MEGF6: variants seen among roughly 807,000 people sequenced by gnomAD.
The protein encoded by MEGF6 is multiple EGF like domains 6, also known as multiple epidermal growth factor-like domains protein 6.
In MEGF6, 184 loss-of-function variants were observed where a neutral mutation model predicts 207.1. The ratio of observed to expected loss-of-function variants is 0.89; its 90% CI spans 0.79 to 1.00. The LOEUF is 1.00. MEGF6 is among the 50% of genes least tolerant of loss of function. The pLI, the probability that MEGF6 is intolerant of heterozygous loss-of-function variation, is 0.00. For synonymous variants in MEGF6, 1,038 were observed against 910.0 expected (o/e 1.14, Z -2.53); for missense variants, 2,282 against 2,202.9 (o/e 1.04, Z -0.72).
chr1:3,598,553 G>A (rs1439375301), intron 2 of MEGF6, among the ~76,000 whole-genome samples: 1 of 152,184 alleles, frequency 6.6e-6, no homozygotes, highest in Non-Finnish European at 1.5e-5. Context: ...GCTTCCCTGG[G>A]CCGCTGACCA....
intron 2 of MEGF6, 21 bp from the exon 3 acceptor site, chr1:3,595,468 G>A (rs1214330109): frequency 1.3e-6 from 2 of 1,596,012 alleles, no homozygotes; most frequent in Non-Finnish European, 1.7e-6. Context: ...AGAGAGAAGG[G>A]AAGTGCTTAC....
At chr1:3,531,117 C>T (rs1198385847) in intron 4 of MEGF6, 1 of 1,528,662 alleles carries the variant, frequency 6.5e-7, no homozygotes, top group Admixed American at 2.0e-5. Flanking sequence ...GGTAGCCGGC[C>T]TGGCCCAGGT....
chr1:3,604,930 C>A (rs570965251), intron 1 of MEGF6, among the ~76,000 whole-genome samples: 1 of 152,074 alleles, frequency 6.6e-6, no homozygotes. Context: ...TCCTGACCCC[C>A]AGACTACAGC....
intron 2 of MEGF6, among the ~76,000 whole-genome samples, 162 bp from the exon 3 acceptor site, chr1:3,595,609 C>A (rs1274317076): frequency 6.6e-6 from 1 of 152,172 alleles, no homozygotes; most frequent in African/African-American, 2.4e-5. Context: ...CAATGCCCAG[C>A]CAGGTTCTTC....
At chr1:3,602,205 C>A (rs1437636895) in intron 2 of MEGF6, among the ~76,000 whole-genome samples, 1 of 152,236 alleles carries the variant, frequency 6.6e-6, no homozygotes, top group African/African-American at 2.4e-5. Context: ...CCGGGCTGGG[C>A]CCCTCCTCCT....
chr1:3,505,738 C>T (rs1010997535), intron 15 of MEGF6, among the ~76,000 whole-genome samples, 182 bp from the exon 16 acceptor site: 1 of 152,216 alleles, frequency 6.6e-6, no homozygotes, highest in Non-Finnish European at 1.5e-5. Flanking sequence ...GGATGGGTGA[C>T]CCCACCAGGG....
chr1:3,566,980 C>T (rs939091138), intron 4 of MEGF6, among the ~76,000 whole-genome samples: 23 of 152,330 alleles, frequency 1.5e-4, no homozygotes, highest in Middle Eastern at 6.8e-3. Context: ...TTTCCCAGGG[C>T]GGAAACTGAG....
rs756759086 is a variant in MEGF6 at position 3,512,064 on chromosome 1, G to A, written c.918C>T (p.Ser306=). ...AGCCCGCGTGACACACGCACTTGAAGGACCCCTGGGTGTTGAGGCAGCCAT... is the reference window on the plus strand; with the variant it reads ...AGCCCGCGTGACACACGCACTTGAAAGACCCCTGGGTGTTGAGGCAGCCAT... ...CAHGCLNTQG[S]FKCVCHAGYE... The change falls in exon 8 of 37, where the codon TCC becomes TCT. Residue 306 remains serine, a synonymous_variant. Transcript: ENST00000356575. 6.2e-7 allele frequency: 1 copy of A among 1,612,766 alleles called. No individual in the cohort carries two copies. Among genetic ancestry groups the A allele is most frequent in the South Asian group, 1.1e-5 (1 of 91,066 alleles).
In MEGF6 at chr1:3,509,131, C is replaced by T; in HGVS notation, c.1472G>A (p.Gly491Glu). The T allele has an allele frequency of 6.2e-7, 1 of 1,600,544 alleles. No homozygotes were observed. Among genetic ancestry groups the T allele is most frequent in the Non-Finnish European group, 8.5e-7 (1 of 1,174,370 alleles). Residue 491 changes from glycine to glutamate, a missense_variant, in exon 12 of 37, where the codon GGG (glycine) becomes GAG (glutamate). Coordinates refer to ENST00000356575, the MANE Select transcript of MEGF6 (RefSeq NM_001409.4). ...LPQLFQDDDV[G>E]ADEEEAELRG... ...CAACTCTGCCTCTTCCTCATCGGCC[C>T]CGACGTCGTCATCCTGGAAGAGTTG...
In MEGF6 at chr1:3,494,407, A is replaced by G. The variant is rs1347038926; in HGVS notation, c.4093T>C (p.Cys1365Arg). ...GCCTGGCCATAGAAGCCGGGGCCGCAGCGGCAGGTGCCCGTGGCAGGCTCA... is the reference window on the plus strand; with the variant it reads ...GCCTGGCCATAGAAGCCGGGGCCGCGGCGGCAGGTGCCCGTGGCAGGCTCA... The part of the protein sequence containing the change: ...TCEPATGTCR[C>R]GPGFYGQACE... The change falls in exon 32 of 37, where the codon TGC (cysteine) becomes CGC (arginine). Residue 1365 changes from cysteine to arginine, a missense_variant. Coordinates refer to ENST00000356575, the MANE Select transcript of MEGF6 (RefSeq NM_001409.4). The G allele has an allele frequency of 1.3e-6, 2 of 1,548,228 alleles. No individual in the cohort carries two copies. Among genetic ancestry groups the G allele is most frequent in the Admixed American group, 3.9e-5 (2 of 51,070 alleles).
At chr1:3,520,614 C>A (rs1185874190) in intron 5 of MEGF6, among the ~76,000 whole-genome samples, 1 of 151,448 alleles carries the variant, frequency 6.6e-6, no homozygotes, top group Non-Finnish European at 1.5e-5. Context: ...CACCAGGACT[C>A]GGCGGCCAGG....
intron 4 of MEGF6, among the ~76,000 whole-genome samples, chr1:3,528,641 G>A (rs565005409): frequency 2.6e-5 from 4 of 152,242 alleles, no homozygotes; most frequent in East Asian, 1.9e-4. Flanking sequence ...CAGAGGGCGG[G>A]GAGGAGGAGA....
chr1:3,531,187 C>T (rs540594791), intron 4 of MEGF6: 1 of 1,520,412 alleles, frequency 6.6e-7, no homozygotes, highest in East Asian at 2.7e-5. Flanking sequence ...GCGCGCCAGG[C>T]CCCCCAGGAG....
At chr1:3,534,065 C>CCGCTG (rs1642254206) in intron 4 of MEGF6, among the ~76,000 whole-genome samples, 1 of 152,158 alleles carries the variant, frequency 6.6e-6, no homozygotes, top group African/African-American at 2.4e-5. Flanking sequence ...AGCCCAGGAG[C>CCGCTG]CGCTGCGCGA....
Position 3,509,172 on chromosome 1 carries a change from G to A in MEGF6, c.1431C>T (p.Leu477=). 1.3e-6 allele frequency: 2 copies of A among 1,582,120 alleles called. No individual in the cohort carries two copies. The highest frequency in any genetic ancestry group is 1.7e-6 in the Non-Finnish European group (2 of 1,164,698). The part of the protein sequence containing the change: ...FVRPLPHIAV[L]QDELPQLFQD... ...GGAAGAGTTGCGGCAGCTCGTCCTG[G>A]AGCACGGCAATGTGGGGCAGGGGCC... Residue 477 remains leucine (L), a synonymous_variant, in exon 12 of 37, where the codon CTC becomes CTT. Transcript: ENST00000356575.
Position 3,496,800 on chromosome 1 carries a change from T to TA in MEGF6, c.3614-18dup. 1 of 1,551,128 alleles carries TA rather than the reference T, an allele frequency of 6.4e-7. No individual in the cohort carries two copies. Among genetic ancestry groups the TA allele is most frequent in the Non-Finnish European group, 8.7e-7 (1 of 1,147,422 alleles). On this transcript the variant is annotated splice_polypyrimidine_tract_variant and intron_variant, in intron 28 of 36. Transcript: ENST00000356575. ...GCGGACATCCTGCAGGGAGAGGGGC[T>TA]AGCTGCAGGGGCTGGGGCTGGAGGC...
chr1:3,535,804 G>C (rs2794324), intron 4 of MEGF6, among the ~76,000 whole-genome samples: 2,592 of 152,316 alleles, frequency 0.017, 41 homozygotes, highest in Admixed American at 0.029. Flanking sequence ...GGGGAACCAG[G>C]TCTGACTCTC....
intron 1 of MEGF6, among the ~76,000 whole-genome samples, chr1:3,603,514 G>C (rs1384458213): frequency 2.0e-5 from 3 of 152,158 alleles, no homozygotes; most frequent in Non-Finnish European, 4.4e-5. Context: ...GAAGAGGCTT[G>C]TCCTGCTCTC....
In MEGF6 at chr1:3,560,607, T is replaced by C. The variant is rs1643170969; in HGVS notation, c.481+19218A>G. On this transcript the variant is annotated intron_variant, in intron 4 of 36. Transcript: ENST00000356575. This position sits in a 1 kb window ranked among gnomAD's most constrained non-coding sequence, Gnocchi z 4.0. ...CCCCCCTGTTCTCCAAGAGAAACGC[T>C]CCATAGGCAGGGAAAGGCTCTGGGG... is the stretch of plus-strand genomic sequence containing the variant. The C allele has an allele frequency of 2.5e-6, 1 of 396,500 alleles. No individual in the cohort carries two copies. Among genetic ancestry groups the C allele is most frequent in the Non-Finnish European group, 5.3e-6 (1 of 189,706 alleles). 24.6% of individuals were successfully genotyped at this position (396,500 alleles called of 1,614,324 possible). A position where few individuals can be genotyped will look rare whatever the true frequency, so the allele number is the denominator to read the frequency against.
Sources: allele counts gnomAD v4.1 joint callset (sites outside exome capture counted in the v4.1 genomes callset), GRCh38; gene constraint gnomAD v4.1.1; non-coding constraint Gnocchi (gnomAD v3.1); transcripts MANE v1.5; gene names NCBI Gene and HGNC (gene_info 2026-07-23, HGNC 2026-07-21).